GRIN2A: variants seen among roughly 807,000 people sequenced by gnomAD.
GRIN2A encodes glutamate receptor ionotropic, NMDA 2A.
GRIN2A carries 22 observed loss-of-function variants against 113.4 expected under a neutral mutation model. The ratio of observed to expected loss-of-function variants is 0.19; its 90% confidence interval spans 0.14 to 0.28. GRIN2A has a LOEUF of 0.28. Ranked by LOEUF, GRIN2A falls within the 10% of genes least tolerant of loss-of-function variation. The pLI is 1.00. For missense variants in GRIN2A, 1,502 were observed against 1,887.0 expected (o/e 0.80, Z 3.78); for synonymous variants, 827 against 738.4 (o/e 1.12, Z -1.94).
intron 2 of GRIN2A, among the ~76,000 whole-genome samples, chr16:10,163,682 ACAGGTGCTC>A (rs2049852052): frequency 1.3e-5 from 2 of 151,766 alleles, no homozygotes; most frequent in South Asian, 4.2e-4. Flanking sequence ...ACCTCACATA[ACAGGTGCTC>A]CAGAATTCTA....
chr16:10,082,429 A>C (rs1161462672), intron 2 of GRIN2A, among the ~76,000 whole-genome samples: 2 of 152,242 alleles, frequency 1.3e-5, no homozygotes, highest in Non-Finnish European at 2.9e-5. Context: ...CCTTGAGTAC[A>C]GGTGAACCTG....
chr16:10,089,470 A>C (rs967346836), intron 2 of GRIN2A, among the ~76,000 whole-genome samples: 4 of 152,176 alleles, frequency 2.6e-5, no homozygotes, highest in Non-Finnish European at 5.9e-5. Context: ...CGAGAAGCAT[A>C]TGGTGGGTTC....
intron 2 of GRIN2A, chr16:10,036,931 T>C (rs1413926626): frequency 6.6e-6 from 1 of 152,200 alleles, no homozygotes; most frequent in Non-Finnish European, 1.5e-5. Context: ...GGTCACATCC[T>C]GAGGTACTGA....
chr16:9,943,312 C>G (rs532190390), intron 2 of GRIN2A: 33 of 152,304 alleles, frequency 2.2e-4, no homozygotes, highest in African/African-American at 7.7e-4. Flanking sequence ...GAAGACAGAA[C>G]AAACTGTTTT....
chr16:10,145,759 A>G (rs1483713480), intron 2 of GRIN2A, among the ~76,000 whole-genome samples: 1 of 152,240 alleles, frequency 6.6e-6, no homozygotes, highest in African/African-American at 2.4e-5. Context: ...GCAACTGCTT[A>G]ACTCCGCTGT....
intron 2 of GRIN2A, among the ~76,000 whole-genome samples, chr16:9,959,712 G>A (rs533356743): frequency 4.6e-5 from 7 of 152,348 alleles, no homozygotes; most frequent in Admixed American, 1.3e-4. Flanking sequence ...GGCGGCTCAC[G>A]CCTGTAATCC....
At chr16:10,121,357 A>C (rs2048828873) in intron 2 of GRIN2A, 1 of 152,036 alleles carries the variant, frequency 6.6e-6, no homozygotes, top group Admixed American at 6.6e-5. Context: ...TTAGAGGATA[A>C]CTCTTGGTCC....
At chr16:9,899,722 C>T (rs1205269660) in intron 3 of GRIN2A, among the ~76,000 whole-genome samples, 1 of 152,024 alleles carries the variant, frequency 6.6e-6, no homozygotes, top group Non-Finnish European at 1.5e-5. Flanking sequence ...CTGATCACTG[C>T]AACTCTAAAA....
chr16:9,973,431 C>T (rs1340296584), intron 2 of GRIN2A, among the ~76,000 whole-genome samples: 1 of 152,102 alleles, frequency 6.6e-6, no homozygotes, highest in African/African-American at 2.4e-5. Flanking sequence ...TCTTTCACTG[C>T]CATGATTTCT....
intron 2 of GRIN2A, among the ~76,000 whole-genome samples, chr16:10,047,955 C>A (rs2047288944): frequency 6.6e-6 from 1 of 152,188 alleles, no homozygotes; most frequent in Non-Finnish European, 1.5e-5. Context: ...TTTATCACCT[C>A]CTGTCTCCCC....
intron 4 of GRIN2A, among the ~76,000 whole-genome samples, chr16:9,872,718 C>T (rs1243351099): frequency 6.6e-6 from 1 of 152,030 alleles, no homozygotes; most frequent in Non-Finnish European, 1.5e-5. Flanking sequence ...TGAAGCAACT[C>T]AGACACAGAG....
intron 3 of GRIN2A, among the ~76,000 whole-genome samples, chr16:9,896,614 A>G (rs1162949784): frequency 6.6e-6 from 1 of 152,192 alleles, no homozygotes; most frequent in African/African-American, 2.4e-5. Flanking sequence ...ATTCTGGGTG[A>G]ATGACTCCAT....
At chr16:9,796,217 C>T (rs1902973125) in intron 11 of GRIN2A, among the ~76,000 whole-genome samples, 1 of 152,228 alleles carries the variant, frequency 6.6e-6, no homozygotes, top group African/African-American at 2.4e-5. Context: ...ATACCTATCA[C>T]ATTTAAAAGT....
chr16:10,157,880 G>A (rs2049732701), intron 2 of GRIN2A, among the ~76,000 whole-genome samples: 1 of 152,020 alleles, frequency 6.6e-6, no homozygotes, highest in South Asian at 2.1e-4. Flanking sequence ...TTTACTAGTG[G>A]CAAGATTTTG....
rs575076697 is a variant in GRIN2A at position 10,105,013 on chromosome 16, C to A, written c.414+74985G>T. ...AGAAGCCTGAAGCAAACTTTTAATT[C>A]GTTACACAAAAAAGTCTTTAGTCTT... On this transcript the variant is annotated intron_variant, in intron 2 of 12. Transcript: ENST00000330684. Among the ~76,000 whole-genome samples, 305 of 152,248 alleles carry A rather than the reference C, an allele frequency of 2.0e-3. 6 individuals are homozygous for A. Among genetic ancestry groups the A allele is most frequent in the Admixed American group, 1.2e-3 (19 of 15,294 alleles).
rs1325753334 is a variant in GRIN2A at position 9,760,756 on chromosome 16, C to T, written c.*2393G>A. ...ACAGAAAGCCTCTTTGGCTTGACGA[C>T]AAATCACTCTTCTGTATTCTGGGAA... is the stretch of plus-strand genomic sequence containing the variant. On this transcript the variant is annotated 3_prime_UTR_variant, in exon 13 of 13. Coordinates refer to ENST00000330684, the MANE Select transcript of GRIN2A (RefSeq NM_001134407.3). The T allele has an allele frequency of 1.3e-5, 3 of 229,376 alleles. No individual in the cohort carries two copies. Among genetic ancestry groups the T allele is most frequent in the Non-Finnish European group, 2.6e-5 (3 of 115,716 alleles). The allele number at this position is 229,376 out of a possible 1,614,324, so 14.2% of individuals were successfully genotyped here. A position where few individuals can be genotyped will look rare whatever the true frequency, so the allele number is the denominator to read the frequency against.
At position 9,818,492 on chromosome 16, in the gene GRIN2A, GA is replaced by G. The variant is rs577685144; in HGVS notation, c.2168+3771del. ...CTACAAAAAAGATAAAATCTGCATG[GA>G]AAAAAAAAAGCAAGCTCAAAAGACT... On this transcript the variant is annotated intron_variant, in intron 10 of 12. Transcript: ENST00000330684. Among the ~76,000 whole-genome samples the G allele has an allele frequency of 3.3e-4, 47 of 141,518 alleles. 1 individual carries two copies. The highest frequency in any genetic ancestry group is 7.0e-4 in the African/African-American group (27 of 38,618). 92.8% of individuals were successfully genotyped at this position (141,518 alleles called of 152,430 possible). A position where few individuals can be genotyped will look rare whatever the true frequency, so the allele number is the denominator to read the frequency against.
At chr16:10,085,730 C>G (rs549221704) in intron 2 of GRIN2A, among the ~76,000 whole-genome samples, 222 of 152,114 alleles carry the variant, frequency 1.5e-3, no homozygotes, top group Non-Finnish European at 2.5e-3. Context: ...TGATGGTTAG[C>G]AAGGGAGAGG....
intron 2 of GRIN2A, among the ~76,000 whole-genome samples, chr16:10,043,683 G>C (rs2047205820): frequency 6.6e-6 from 1 of 151,972 alleles, no homozygotes; most frequent in African/African-American, 2.4e-5. Context: ...ACACAGCTTA[G>C]TGCTGAAGGG....
Sources: gnomAD v4.1 joint callset for allele counts (sites outside exome capture counted in the v4.1 genomes callset) on GRCh38, gnomAD v4.1.1 for gene constraint, MANE v1.5 for transcripts, NCBI Gene and HGNC (gene_info 2026-07-23, HGNC 2026-07-21) for gene names.